KLK15: variants seen among roughly 807,000 people sequenced by gnomAD.
KLK15 encodes the protein kallikrein-15.
A neutral mutation model predicts 21.1 loss-of-function variants in KLK15; 19 were observed. That is an observed-to-expected ratio of 0.90 (90% CI 0.63 to 1.32). The LOEUF (loss-of-function observed/expected upper bound fraction) is 1.32. Ranked by LOEUF, KLK15 falls within the 40% of genes most tolerant of loss-of-function variation. KLK15 has a pLI of 0.00. For synonymous variants in KLK15, 141 were observed against 141.5 expected (o/e 1.00, Z 0.03); for missense variants, 345 against 348.6 (o/e 0.99, Z 0.08).
Position 50,826,758 on chromosome 19 carries a change from C to T in KLK15, c.482-1G>A. 1.9e-6 allele frequency: 3 copies of T among 1,609,206 alleles called. No homozygotes were observed. The highest frequency in any genetic ancestry group is 2.5e-6 in the Non-Finnish European group (3 of 1,178,004). On this transcript the variant is annotated splice_acceptor_variant, in intron 3 of 4. Transcript: ENST00000598239. LOFTEE classifies it high-confidence loss of function. The stretch of plus-strand genomic sequence containing the variant: ...CAATGCAACGTATCTGGGAGACTCA[C>T]TGGGGAAGACAGTGGACTTGGAGCA...
intron 1 of KLK15, chr19:50,831,213 C>A: frequency 2.6e-6 from 1 of 389,514 alleles, no homozygotes. Context: ...TGTGTAACCC[C>A]AGGACCGTGT....
At chr19:50,826,121 A>C in intron 4 of KLK15, 173 bp from the exon 6 acceptor site, 1 of 599,904 alleles carries the variant, frequency 1.7e-6, no homozygotes. Flanking sequence ...CCCAACCCCA[A>C]CCCCAACCCC....
chr19:50,825,947 C>T lies in KLK15; in HGVS notation c.620G>A (p.Gly207Asp), dbSNP rs1392178797. 2.5e-6 allele frequency: 4 copies of T among 1,610,820 alleles called. No homozygotes were observed. The African/African-American group carries it at 5.3e-5, about 22-fold the overall frequency. ...ACAGACCAGGGGTCCCCCAGAGTCA[C>T]CCTGTGGGGAAAAGAGGGGGTCTCA... The change falls in exon 5 of 5, where the codon GGT becomes GAT. Residue 207 changes from glycine to aspartate, a missense_variant and splice_region_variant. Coordinates refer to ENST00000598239, the Ensembl canonical transcript of KLK15.
rs974350604 is a variant in KLK15 at position 50,830,306 on chromosome 19, C to T, written c.43+1144G>A. ...GGTTGAAGCCATGCACACTCCCACC[C>T]ACACAGGGGCAGGATTTGCACAGCC... On this transcript the variant is annotated intron_variant, in intron 1 of 4. Transcript: ENST00000598239. Among the ~76,000 whole-genome samples, 14 of 151,832 alleles carry T rather than the reference C, an allele frequency of 9.2e-5. 1 individual carries two copies. Among genetic ancestry groups the T allele is most frequent in the Non-Finnish European group, 2.1e-4 (14 of 67,820 alleles).
In KLK15 at chr19:50,827,167, C is replaced by G. The variant is rs61752560; in HGVS notation, c.198-6G>C. The stretch of plus-strand genomic sequence containing the variant: ...CCAGGCGCACTCTCATGAAGCTGTG[C>G]GGGCGAGTGGTTTTCCCGCCAGTGG... On this transcript the variant is annotated splice_polypyrimidine_tract_variant and splice_region_variant and intron_variant, in intron 2 of 4. Coordinates refer to ENST00000598239, the Ensembl canonical transcript of KLK15. The G allele has an allele frequency of 0.26, 400,031 of 1,565,622 alleles. 53,584 individuals carry two copies. Among genetic ancestry groups the G allele is most frequent in the Non-Finnish European group, 0.28 (321,809 of 1,160,188 alleles).
chr19:50,827,662 C>T lies in KLK15; in HGVS notation c.197G>A (p.Arg66His). 9 of 1,610,362 alleles carry T rather than the reference C, an allele frequency of 5.6e-6. 1 individual carries two copies. The highest frequency in any genetic ancestry group is 1.3e-5 in the African/African-American group (1 of 74,928). The change falls in exon 2 of 5, where the codon CGC (arginine) becomes CAC (histidine). Residue 66 changes from arginine (R) to histidine (H), a missense_variant and splice_region_variant. By Grantham distance (29) the Arg-to-His change is conservative. Coordinates refer to ENST00000598239, the Ensembl canonical transcript of KLK15. ...GGACCCTGAGCCCCTGCCTTCATAC[C>T]GGCTTTGGCAGTGGGCCGCAGACAG...
chr19:50,830,825 G>A (rs771205023), intron 1 of KLK15, among the ~76,000 whole-genome samples: 1 of 152,152 alleles, frequency 6.6e-6, no homozygotes, highest in South Asian at 2.1e-4. Context: ...AAATGAGGTC[G>A]GTGGTGCCCA....
chr19:50,826,612 G>C lies in KLK15; in HGVS notation c.618+9C>G, dbSNP rs775389640. The C allele has an allele frequency of 1.3e-6, 2 of 1,583,336 alleles. No homozygotes were observed. The highest frequency in any genetic ancestry group is 8.6e-7 in the Non-Finnish European group (1 of 1,166,862). On this transcript the variant is annotated intron_variant, in intron 4 of 4. Transcript: ENST00000598239. ...CTTCTTCCGCCTGATGGCCCCTCTA[G>C]GCTCTGACCTCACAGGATTCTGCGC...
intron 4 of KLK15, chr19:50,826,202 T>G (rs1362492512): frequency 2.0e-6 from 1 of 495,346 alleles, no homozygotes; most frequent in African/African-American, 1.9e-5. Context: ...CCAGTGCAAC[T>G]GTACTAAGTT....
rs371395870 is a variant in KLK15, at chr19:50,829,063, C to T, written c.44-1248G>A. The stretch of plus-strand genomic sequence containing the variant: ...GTTAAGACATGAATACATACACACA[C>T]ACACATGCACACACAAACACACACA... On this transcript the variant is annotated intron_variant, in intron 1 of 4. Coordinates refer to ENST00000598239, the Ensembl canonical transcript of KLK15. 4.5e-3 allele frequency among the ~76,000 whole-genome samples: 679 copies of T among 149,938 alleles called. 11 individuals are homozygous for T. The highest frequency in any genetic ancestry group is 0.016 in the African/African-American group (633 of 40,672).
intron 1 of KLK15, among the ~76,000 whole-genome samples, chr19:50,829,723 G>A (rs1348061052): frequency 6.6e-6 from 1 of 151,854 alleles, no homozygotes; most frequent in Non-Finnish European, 1.5e-5. Flanking sequence ...GGGAGGCAGA[G>A]ACAGAATTGC....
At position 50,826,610 on chromosome 19, in the gene KLK15, T is replaced by TA. The variant is rs780507458; in HGVS notation, c.618+10dup. 5 of 1,582,226 alleles carry TA rather than the reference T, an allele frequency of 3.2e-6. No individual in the cohort carries two copies. The African/African-American group carries it at 5.4e-5, about 17-fold the overall frequency. ...CTCTTCTTCCGCCTGATGGCCCCTC[T>TA]AGGCTCTGACCTCACAGGATTCTGC... On this transcript the variant is annotated intron_variant, in intron 4 of 4. Coordinates refer to ENST00000598239, the Ensembl canonical transcript of KLK15.
At chr19:50,832,914 C>T (rs936123711), upstream of KLK15, among the ~76,000 whole-genome samples, 5 of 152,302 alleles carry the variant, frequency 3.3e-5, no homozygotes, top group Admixed American at 6.5e-5. Context: ...AGGGCCCGAC[C>T]CACGGGAGGC....
chr19:50,825,985 C>G, intron 4 of KLK15, 37 bp from the exon 6 acceptor site: 2 of 1,585,058 alleles, frequency 1.3e-6, no homozygotes, highest in South Asian at 2.3e-5. Flanking sequence ...TTGAGTGAAA[C>G]CTCCTGGATT....
Position 50,825,963 on chromosome 19 carries a change from G to T in KLK15, c.619-15C>A, listed in dbSNP as rs369714675. The T allele has an allele frequency of 1.9e-6, 3 of 1,607,146 alleles. No individual in the cohort carries two copies. The South Asian group carries it at 3.3e-5, about 18-fold the overall frequency. ...CCAGAGTCACCCTGTGGGGAAAAGA[G>T]GGGGTCTCAGGTTGAGTGAAACCTC... On this transcript the variant is annotated splice_polypyrimidine_tract_variant and intron_variant, in intron 4 of 4. Transcript: ENST00000598239.
upstream of KLK15, chr19:50,831,666 T>G: frequency 9.1e-5 from 40 of 440,374 alleles, no homozygotes; most frequent in East Asian, 2.3e-4. Flanking sequence ...CACTCTGCGC[T>G]TCCTTCTGGG....
chr19:50,827,410 G>T (rs561469512), intron 2 of KLK15, among the ~76,000 whole-genome samples: 1 of 151,574 alleles, frequency 6.6e-6, no homozygotes, highest in African/African-American at 2.4e-5. Flanking sequence ...CCCCCTCCTG[G>T]TCTGTCCCCG....
chr19:50,827,603 C>A (rs2739416), intron 2 of KLK15, 59 bp downstream of exon 3: 2 of 1,556,722 alleles, frequency 1.3e-6, no homozygotes, highest in Non-Finnish European at 1.8e-6. Context: ...TCCCCCAAAT[C>A]TAGGAGCTCT....
At chr19:50,825,688 G>A (rs1324588747), downstream of KLK15, 1 of 1,153,950 alleles carries the variant, frequency 8.7e-7, no homozygotes, top group Non-Finnish European at 1.2e-6. Flanking sequence ...TCTGGGCCTT[G>A]GACAGGGTCT....
Sources: allele counts gnomAD v4.1 joint callset (sites outside exome capture counted in the v4.1 genomes callset), GRCh38; gene constraint gnomAD v4.1.1; transcripts MANE v1.5; gene names NCBI Gene and HGNC (gene_info 2026-07-23, HGNC 2026-07-21).